Variants in OTOG observed in about 807,000 individuals in gnomAD.
OTOG encodes otogelin.
OTOG carries 296 observed loss-of-function variants against 313.8 expected under a neutral mutation model. The ratio of observed to expected loss-of-function variants is 0.94; its 90% CI spans 0.86 to 1.04. OTOG has a LOEUF of 1.04. Among genes scored for constraint, OTOG ranks in the 50% least tolerant of loss-of-function variants. The pLI is 0.00. For synonymous variants in OTOG, 1,533 were observed against 1,554.9 expected (o/e 0.99, Z 0.33); for missense variants, 3,948 against 3,840.1 (o/e 1.03, Z -0.74).
chr11:17,634,372 G>A (rs946195074), intron 44 of OTOG, 91 bp downstream of exon 44: 67 of 1,376,984 alleles, frequency 4.9e-5, no homozygotes, highest in Non-Finnish European at 6.5e-5. Context: ...ATAGGACAAG[G>A]CCTAGGAAAA....
intron 49 of OTOG, among the ~76,000 whole-genome samples, chr11:17,639,934 G>A (rs1404231036): frequency 1.4e-4 from 21 of 151,182 alleles, no homozygotes; most frequent in Admixed American, 1.4e-3. Context: ...TGGTGGTGAT[G>A]GTGATAATGC....
In OTOG at chr11:17,640,918, G is replaced by A; in HGVS notation, c.8017G>A (p.Ala2673Thr). The A allele has an allele frequency of 6.5e-7, 1 of 1,548,430 alleles. No homozygotes were observed. The highest frequency in any genetic ancestry group is 8.7e-7 in the Non-Finnish European group (1 of 1,146,904). ...CGCCCTGCATGCCCATCCAGTGAAG[G>A]CCCCGGTGTGTCTGAGCCGCGAGCT... ...CGCAKYECVK[A>T]PVCLSRELGV... The change falls in exon 51 of 56, where the codon GCC becomes ACC. Residue 2673 changes from alanine to threonine, a missense_variant. Coordinates refer to ENST00000399397, the MANE Select transcript of OTOG (RefSeq NM_001292063.2).
At chr11:17,560,663 G>A in intron 12 of OTOG, 46 bp from the exon 13 acceptor site, 1 of 1,431,118 alleles carries the variant, frequency 7.0e-7, no homozygotes, top group Non-Finnish European at 9.6e-7. Flanking sequence ...AATGGTTTGT[G>A]AACAGGGGCA....
chr11:17,601,754 A>G (rs987345567), intron 31 of OTOG, among the ~76,000 whole-genome samples: 3 of 152,208 alleles, frequency 2.0e-5, no homozygotes, highest in African/African-American at 4.8e-5. Context: ...TAAAGACTCA[A>G]CAGTGACACG....
intron 15 of OTOG, among the ~76,000 whole-genome samples, chr11:17,565,800 A>T (rs574838110): frequency 2.6e-5 from 4 of 152,162 alleles, no homozygotes; most frequent in African/African-American, 9.6e-5. Flanking sequence ...ACATACCTTC[A>T]TTATTGCGTG....
intron 39 of OTOG, among the ~76,000 whole-genome samples, chr11:17,620,246 G>T (rs901526532): frequency 5.9e-5 from 9 of 152,106 alleles, no homozygotes; most frequent in African/African-American, 2.2e-4. Flanking sequence ...TTTCTTCATA[G>T]TCACCTCTCC....
rs1461079918 is a variant in OTOG at position 17,560,774 on chromosome 11, C to G, written c.1408C>G (p.Leu470Val). The change falls in exon 13 of 56, where the codon CTG becomes GTG. Residue 470 changes from leucine to valine, a missense_variant. Transcript: ENST00000399397. ...AECPCEFHGT[L>V]YPPGSVVKED... ...GTGTCCCTGTGAGTTTCACGGGACTCTGTACCCACCTGGCTCTGTGGTGAA... is the reference window on the plus strand; with the variant it reads ...GTGTCCCTGTGAGTTTCACGGGACTGTGTACCCACCTGGCTCTGTGGTGAA... 1 of 1,550,628 alleles carries G rather than the reference C, an allele frequency of 6.4e-7. No homozygotes were observed. The highest frequency in any genetic ancestry group is 1.4e-5 in the African/African-American group (1 of 73,014).
At chr11:17,609,614 C>T (rs1437877115) in intron 35 of OTOG, 41 bp from the exon 36 acceptor site, 7 of 1,441,920 alleles carry the variant, frequency 4.9e-6, no homozygotes, top group Non-Finnish European at 6.5e-6. Flanking sequence ...CCCGGGGCAG[C>T]AGTCACCCCG....
intron 15 of OTOG, among the ~76,000 whole-genome samples, chr11:17,566,286 A>G (rs1565095563): frequency 6.6e-6 from 1 of 152,216 alleles, no homozygotes; most frequent in Non-Finnish European, 1.5e-5. Flanking sequence ...AAATGCTTAT[A>G]TAAATAGTTG....
At chr11:17,575,296 A>C (rs541373171) in intron 20 of OTOG, among the ~76,000 whole-genome samples, 23 of 152,350 alleles carry the variant, frequency 1.5e-4, no homozygotes, top group African/African-American at 5.5e-4. Context: ...CTCACATTCT[A>C]GGGTTGCAAG....
rs112606937 is a variant in OTOG, at chr11:17,571,774, T to C, written c.1956-306T>C. On this transcript the variant is annotated intron_variant, in intron 17 of 55. Transcript: ENST00000399397. ...GTGTGTCTGCGTGTGTGTGTGTGTG[T>C]GCGTGCGCGCACGCATGCATGTGTA... Among the ~76,000 whole-genome samples, 248 of 152,212 alleles carry C rather than the reference T, an allele frequency of 1.6e-3. 2 individuals are homozygous for C. The highest frequency in any genetic ancestry group is 5.1e-3 in the African/African-American group (210 of 41,550).
rs570137050 is a variant in OTOG, at chr11:17,549,312, T to C, written c.216+1100T>C. On this transcript the variant is annotated intron_variant, in intron 3 of 55. Coordinates refer to ENST00000399397, the MANE Select transcript of OTOG (RefSeq NM_001292063.2). ...CTGGGGAGCCCCTTGAGCCAGCAGA[T>C]TGGGGAGAATCGTTTATGACAGCAA... Among the ~76,000 whole-genome samples, 51 of 152,248 alleles carry C rather than the reference T, an allele frequency of 3.3e-4. 1 individual carries two copies. The highest frequency in any genetic ancestry group is 2.3e-3 in the East Asian group (12 of 5,170).
intron 15 of OTOG, among the ~76,000 whole-genome samples, chr11:17,567,454 C>T (rs901825375): frequency 2.0e-5 from 3 of 152,232 alleles, no homozygotes; most frequent in Non-Finnish European, 4.4e-5. Flanking sequence ...AAAAATATTT[C>T]AAGGCTCTGC....
intron 42 of OTOG, 111 bp downstream of exon 42, chr11:17,632,337 C>A: frequency 8.9e-7 from 1 of 1,117,460 alleles, no homozygotes; most frequent in Non-Finnish European, 1.2e-6. Flanking sequence ...CAGCTTTAAT[C>A]ATTCATGGAT....
At chr11:17,605,722 AG>A in intron 32 of OTOG, 134 bp from the exon 33 acceptor site, 1 of 952,814 alleles carries the variant, frequency 1.0e-6, no homozygotes, top group Non-Finnish European at 1.5e-6. Flanking sequence ...GGGCTGGTGT[AG>A]GGGGCAGGGC....
rs548496846 is a variant in OTOG, at chr11:17,635,188, G to T, written c.7693+1G>T. 2 of 1,540,180 alleles carry T rather than the reference G, an allele frequency of 1.3e-6. No individual in the cohort carries two copies. Among genetic ancestry groups the T allele is most frequent in the Admixed American group, 3.9e-5 (2 of 50,814 alleles). On this transcript the variant is annotated splice_donor_variant, in intron 46 of 55. Transcript: ENST00000399397. LOFTEE classifies it high-confidence loss of function. Reference sequence around the variant, plus strand: ...TCCTGCTGCACCTCCTACTTCTGCGGTGGGTCGCCGCCACCAGACGCCAGC... The same window carrying T: ...TCCTGCTGCACCTCCTACTTCTGCGTTGGGTCGCCGCCACCAGACGCCAGC...
In OTOG at chr11:17,602,277, G is replaced by A. The variant is rs762425435; in HGVS notation, c.3777G>A (p.Ala1259=). ...AAGGALVGMK[A]VGDDIVLVRT... The stretch of plus-strand genomic sequence containing the variant: ...GTGGTGCTCTGGTGGGCATGAAGGC[G>A]GTGGGCGATGACATAGTCCTAGTGA... Residue 1259 remains alanine, a synonymous_variant, in exon 32 of 56, where the codon GCG becomes GCA. Coordinates refer to ENST00000399397, the MANE Select transcript of OTOG (RefSeq NM_001292063.2). 21 of 1,550,514 alleles carry A rather than the reference G, an allele frequency of 1.4e-5. No homozygotes were observed. The highest frequency in any genetic ancestry group is 9.5e-5 in the South Asian group (8 of 84,062).
intron 49 of OTOG, 105 bp from the exon 50 acceptor site, chr11:17,640,640 C>T (rs903434412): frequency 2.5e-6 from 3 of 1,223,394 alleles, no homozygotes; most frequent in Non-Finnish European, 3.4e-6. Context: ...CCCTCCTGCC[C>T]ACCACAGGGA....
chr11:17,638,290 G>A (rs1847896274), intron 47 of OTOG, among the ~76,000 whole-genome samples, 161 bp from the exon 48 acceptor site: 1 of 152,218 alleles, frequency 6.6e-6, no homozygotes, highest in Admixed American at 6.5e-5. Context: ...GCTCCCTGGG[G>A]AGACTTCGGG....
Sources: allele counts gnomAD v4.1 joint callset (sites outside exome capture counted in the v4.1 genomes callset), GRCh38; gene constraint gnomAD v4.1.1; transcripts MANE v1.5; gene names NCBI Gene and HGNC (gene_info 2026-07-23, HGNC 2026-07-21).